The following ACOXL variants were observed in gnomAD, a reference collection of about 807,000 sequenced individuals.
ACOXL encodes the protein acyl-CoA oxidase like.
Under a neutral mutation model 71.9 loss-of-function variants are expected in ACOXL, and 70 were observed. That is an observed-to-expected ratio of 0.97 (90% CI 0.80 to 1.19). The LOEUF is 1.19. Among genes scored for constraint, ACOXL ranks in the 50% most tolerant of loss-of-function variants. The pLI, the probability that ACOXL is intolerant of heterozygous loss-of-function variation, is 0.00. For synonymous variants in ACOXL, 253 were observed against 281.6 expected, an observed-to-expected ratio of 0.90 and a Z score of 1.02; for missense variants, 703 against 736.3, an observed-to-expected ratio of 0.95 and a Z score of 0.52.
intron 16 of ACOXL, among the ~76,000 whole-genome samples, chr2:111,084,740 T>G (rs539848497): frequency 6.6e-6 from 1 of 152,060 alleles, no homozygotes; most frequent in East Asian, 1.9e-4. Flanking sequence ...TAAATGTAAA[T>G]GGACTAAATG....
intron 17 of ACOXL, among the ~76,000 whole-genome samples, chr2:111,109,177 C>T (rs927481212): frequency 1.3e-5 from 2 of 152,150 alleles, no homozygotes; most frequent in African/African-American, 4.8e-5. Context: ...TTAAGACTCA[C>T]TTCTTTTTTC....
At chr2:110,774,599 C>G (rs1682404002) in intron 2 of ACOXL, among the ~76,000 whole-genome samples, 1 of 152,094 alleles carries the variant, frequency 6.6e-6, no homozygotes, top group South Asian at 2.1e-4. Context: ...ATAAAATACT[C>G]AGGAATAGAC....
chr2:110,915,350 A>ATGTGTG (rs3059185), intron 11 of ACOXL, among the ~76,000 whole-genome samples: 10 of 113,630 alleles, frequency 8.8e-5, no homozygotes, highest in Admixed American at 2.9e-4. Flanking sequence ...ATATATATAT[A>ATGTGTG]TGTGTGTGTG....
At chr2:111,017,697 G>A (rs766910829) in intron 14 of ACOXL, among the ~76,000 whole-genome samples, 3 of 152,152 alleles carry the variant, frequency 2.0e-5, no homozygotes, top group Admixed American at 6.5e-5. Flanking sequence ...GCTTAGCGGT[G>A]GAGAACCATG....
intron 3 of ACOXL, among the ~76,000 whole-genome samples, chr2:110,787,661 G>A (rs538313141): frequency 1.1e-3 from 170 of 152,102 alleles, no homozygotes; most frequent in Middle Eastern, 0.01. Context: ...TGTTGCCCAT[G>A]GGTCCTTGCA....
intron 11 of ACOXL, among the ~76,000 whole-genome samples, chr2:110,909,114 C>T (rs1391608625): frequency 6.6e-6 from 1 of 152,154 alleles, no homozygotes; most frequent in Non-Finnish European, 1.5e-5. Context: ...TTAAAGGATG[C>T]CAAGGTCCAA....
At chr2:110,994,513 G>A (rs543524689) in intron 13 of ACOXL, among the ~76,000 whole-genome samples, 30 of 152,106 alleles carry the variant, frequency 2.0e-4, no homozygotes, top group African/African-American at 7.0e-4. Context: ...CTCAGGAAGT[G>A]GGGAAAGGGG....
chr2:110,732,802 C>T (rs868805305), intron 1 of ACOXL, 28 bp downstream of exon 1: 1 of 152,394 alleles, frequency 6.6e-6, no homozygotes, highest in African/African-American at 2.4e-5. Flanking sequence ...TCGCCCCTGC[C>T]CGCGCCCCCG....
intron 9 of ACOXL, among the ~76,000 whole-genome samples, chr2:110,830,615 G>A (rs1373522614): frequency 6.6e-6 from 1 of 151,822 alleles, no homozygotes; most frequent in African/African-American, 2.4e-5. Context: ...CTCACTGCAA[G>A]CTCCGCCTCC....
intron 16 of ACOXL, among the ~76,000 whole-genome samples, chr2:111,079,521 T>C (rs1053013532): frequency 1.3e-5 from 2 of 152,210 alleles, no homozygotes; most frequent in Non-Finnish European, 2.9e-5. Flanking sequence ...TCCCTCGGGC[T>C]TCCTCTCCTC....
intron 9 of ACOXL, among the ~76,000 whole-genome samples, chr2:110,836,844 T>C (rs1322176419): frequency 6.6e-6 from 1 of 152,236 alleles, no homozygotes; most frequent in Non-Finnish European, 1.5e-5. Context: ...ATGCGTAGAT[T>C]CAGATCTGCA....
At chr2:110,930,827 G>A (rs2060453875) in intron 11 of ACOXL, among the ~76,000 whole-genome samples, 1 of 152,158 alleles carries the variant, frequency 6.6e-6, no homozygotes, top group African/African-American at 2.4e-5. Context: ...TGCAAAATGT[G>A]CCTTTTGCCT....
At chr2:111,049,088 T>G in intron 15 of ACOXL, 130 bp from the exon 16 acceptor site, 1 of 740,528 alleles carries the variant, frequency 1.4e-6, no homozygotes, top group Admixed American at 2.4e-5. Flanking sequence ...TGGGGAGCTC[T>G]GCCATGTCAC....
At chr2:111,060,899 C>T (rs1307191050) in intron 16 of ACOXL, among the ~76,000 whole-genome samples, 1 of 151,930 alleles carries the variant, frequency 6.6e-6, no homozygotes, top group Non-Finnish European at 1.5e-5. Context: ...TAGATGGGCT[C>T]AACAGCAGAA....
chr2:111,111,098 T>TTTTA, intron 17 of ACOXL, among the ~76,000 whole-genome samples: 1 of 152,250 alleles, frequency 6.6e-6, no homozygotes, highest in South Asian at 2.1e-4. Flanking sequence ...TTTTAATTTA[T>TTTTA]TTTATTTATT....
chr2:111,070,127 C>G (rs975308159), intron 16 of ACOXL, among the ~76,000 whole-genome samples: 2 of 152,076 alleles, frequency 1.3e-5, no homozygotes, highest in Admixed American at 6.5e-5. Context: ...AACTACTCTT[C>G]GACCCAGCAA....
rs2065740343 is a variant in ACOXL at position 111,040,702 on chromosome 2, T to G, written c.1370-8516T>G. On this transcript the variant is annotated intron_variant, in intron 15 of 17. Coordinates refer to ENST00000439055, the MANE Select transcript of ACOXL (RefSeq NM_001142807.4). Reference sequence around the variant, plus strand: ...GCAAGCAGCATTTGAGACTTTGCCTTTTGAAGGGCAGGTAGAATTTAGCTA... The same window carrying G: ...GCAAGCAGCATTTGAGACTTTGCCTGTTGAAGGGCAGGTAGAATTTAGCTA... Among the ~76,000 whole-genome samples the G allele has an allele frequency of 2.0e-5, 3 of 152,066 alleles. No homozygotes were observed. In the South Asian group the frequency reaches 6.2e-4, roughly 31 times the overall value.
intron 11 of ACOXL, among the ~76,000 whole-genome samples, chr2:110,926,111 C>T (rs1000502613): frequency 2.0e-5 from 3 of 151,990 alleles, no homozygotes; most frequent in African/African-American, 7.3e-5. Context: ...TGCCCCAAAA[C>T]GATTACAATA....
chr2:110,879,490 G>A (rs1028588283), intron 10 of ACOXL, among the ~76,000 whole-genome samples: 6 of 152,096 alleles, frequency 3.9e-5, no homozygotes, highest in Non-Finnish European at 5.9e-5. Flanking sequence ...AATCTCTCCC[G>A]GAAAAGAACT....
Sources: allele counts gnomAD v4.1 joint callset (sites outside exome capture counted in the v4.1 genomes callset), GRCh38; gene constraint gnomAD v4.1.1; transcripts MANE v1.5; gene names NCBI Gene and HGNC (gene_info 2026-07-23, HGNC 2026-07-21).